Variants in KCNH7 observed in about 807,000 individuals in gnomAD.
The protein encoded by KCNH7 is voltage-gated inwardly rectifying potassium channel KCNH7.
KCNH7 carries 49 observed loss-of-function variants against 120.8 expected under a neutral mutation model. The ratio of observed to expected loss-of-function variants is 0.41; its 90% CI spans 0.32 to 0.51. The LOEUF (loss-of-function observed/expected upper bound fraction) is 0.51, where lower values mean the gene tolerates loss of function less well. Ranked by LOEUF, KCNH7 falls within the 20% of genes least tolerant of loss-of-function variation. KCNH7 has a pLI of 0.38. For synonymous variants in KCNH7, 547 were observed against 516.1 expected, an observed-to-expected ratio of 1.06 and a Z score of -0.81; for missense variants, 1,097 against 1,446.6, an observed-to-expected ratio of 0.76 and a Z score of 3.92.
chr2:162,448,022 G>C (rs187479423), intron 6 of KCNH7, among the ~76,000 whole-genome samples: 2 of 152,184 alleles, frequency 1.3e-5, no homozygotes, highest in East Asian at 1.9e-4. Flanking sequence ...AGTTTATAGA[G>C]AGAACAGGGT....
chr2:162,373,241 A>G (rs114915685), intron 15 of KCNH7, among the ~76,000 whole-genome samples: 354 of 152,282 alleles, frequency 2.3e-3, no homozygotes, highest in African/African-American at 8.4e-3. Flanking sequence ...TAATGTTTAA[A>G]ATTATTATTC....
intron 13 of KCNH7, among the ~76,000 whole-genome samples, chr2:162,380,648 C>T (rs1425016327): frequency 6.6e-6 from 1 of 152,084 alleles, no homozygotes. Context: ...CTGCCCTTTA[C>T]CATAATTATA....
intron 2 of KCNH7, among the ~76,000 whole-genome samples, chr2:162,701,269 T>C (rs1265434973): frequency 4.6e-5 from 7 of 152,146 alleles, no homozygotes; most frequent in African/African-American, 1.7e-4. Context: ...ATTTTTACTG[T>C]GAAACATGCA....
chr2:162,484,282 C>A (rs1004844661), intron 6 of KCNH7, among the ~76,000 whole-genome samples: 20 of 151,278 alleles, frequency 1.3e-4, no homozygotes, highest in African/African-American at 4.9e-4. Context: ...TAAGAGAAAG[C>A]CAATATATAA....
intron 2 of KCNH7, among the ~76,000 whole-genome samples, chr2:162,823,340 T>A (rs1242691498): frequency 1.3e-5 from 2 of 152,254 alleles, no homozygotes; most frequent in Admixed American, 6.5e-5. Flanking sequence ...ATTATTTAAT[T>A]ATCTCTAATT....
At chr2:162,699,900 G>A (rs73974046) in intron 2 of KCNH7, among the ~76,000 whole-genome samples, 13,684 of 152,102 alleles carry the variant, frequency 0.09, 1,915 homozygotes, top group African/African-American at 0.3. Flanking sequence ...AAATAAATAA[G>A]TGATGGGGAA....
At chr2:162,498,565 A>G (rs1401500936) in intron 6 of KCNH7, among the ~76,000 whole-genome samples, 1 of 151,838 alleles carries the variant, frequency 6.6e-6, no homozygotes, top group African/African-American at 2.4e-5. Context: ...CATCTCTGCA[A>G]TGGGCCACTG....
At chr2:162,791,414 G>A (rs1316414361) in intron 2 of KCNH7, among the ~76,000 whole-genome samples, 2 of 151,982 alleles carry the variant, frequency 1.3e-5, no homozygotes, top group Admixed American at 6.6e-5. Flanking sequence ...TCTTATCCAT[G>A]AGCACAAAAT....
chr2:162,816,279 A>C, intron 2 of KCNH7, among the ~76,000 whole-genome samples: 1 of 151,112 alleles, frequency 6.6e-6, no homozygotes, highest in Non-Finnish European at 1.5e-5. Flanking sequence ...AAAAAAAAAA[A>C]AAAAGACAAA....
At chr2:162,573,642 CT>C (rs1693570405) in intron 2 of KCNH7, among the ~76,000 whole-genome samples, 2 of 151,670 alleles carry the variant, frequency 1.3e-5, no homozygotes, top group East Asian at 3.9e-4. Flanking sequence ...TTTCGGCCAC[CT>C]TTTTTGTGTG....
At chr2:162,415,141 C>CT (rs200522232) in intron 9 of KCNH7, among the ~76,000 whole-genome samples, 28 of 151,308 alleles carry the variant, frequency 1.9e-4, no homozygotes, top group East Asian at 5.8e-4. Flanking sequence ...CTGATTTGTC[C>CT]TTTTTTTAAA....
chr2:162,509,414 C>G (rs940148986), intron 5 of KCNH7, among the ~76,000 whole-genome samples: 1 of 151,398 alleles, frequency 6.6e-6, no homozygotes, highest in Non-Finnish European at 1.5e-5. Context: ...GGTATTTGTA[C>G]AATATATCTT....
At chr2:162,513,475 T>G (rs62188235) in intron 4 of KCNH7, among the ~76,000 whole-genome samples, 4 of 18,590 alleles carry the variant, frequency 2.2e-4, no homozygotes, top group African/African-American at 2.8e-4. Flanking sequence ...CCCTCCTTCC[T>G]TCCTTCCTTC....
intron 2 of KCNH7, among the ~76,000 whole-genome samples, chr2:162,662,236 C>T (rs1013612095): frequency 6.6e-6 from 1 of 151,904 alleles, no homozygotes; most frequent in Non-Finnish European, 1.5e-5. Context: ...GTACTCCAGC[C>T]TGGGTGACAG....
intron 2 of KCNH7, among the ~76,000 whole-genome samples, chr2:162,655,908 TAATAAC>T (rs1260448716): frequency 6.6e-6 from 1 of 152,200 alleles, no homozygotes; most frequent in African/African-American, 2.4e-5. Flanking sequence ...TTAATAATGA[TAATAAC>T]AATGACATCT....
chr2:162,688,500 T>C (rs1207051708), intron 2 of KCNH7, among the ~76,000 whole-genome samples: 1 of 152,134 alleles, frequency 6.6e-6, no homozygotes, highest in Non-Finnish European at 1.5e-5. Context: ...TTTGTAATCA[T>C]GTGGCTGGCA....
intron 2 of KCNH7, among the ~76,000 whole-genome samples, chr2:162,623,647 T>G (rs1023792236): frequency 9.9e-5 from 15 of 152,196 alleles, no homozygotes; most frequent in Middle Eastern, 3.2e-3. Context: ...ATGAATTATG[T>G]CACCTTGTAC....
intron 2 of KCNH7, among the ~76,000 whole-genome samples, chr2:162,772,538 C>T (rs1683094669): frequency 6.8e-6 from 1 of 146,262 alleles, no homozygotes; most frequent in Non-Finnish European, 1.5e-5. Context: ...TTTATTGAAT[C>T]TCTTCCTTTT....
intron 2 of KCNH7, among the ~76,000 whole-genome samples, chr2:162,777,019 A>G (rs1683266086): frequency 1.3e-5 from 2 of 152,120 alleles, no homozygotes; most frequent in South Asian, 4.1e-4. Context: ...TTCAGTGCCC[A>G]TTCACCATCT....
Sources: gnomAD v4.1 joint callset for allele counts (sites outside exome capture counted in the v4.1 genomes callset) on GRCh38, gnomAD v4.1.1 for gene constraint, MANE v1.5 for transcripts, NCBI Gene and HGNC (gene_info 2026-07-23, HGNC 2026-07-21) for gene names.